Variants in CLNK observed in about 807,000 individuals in gnomAD.
CLNK encodes cytokine dependent hematopoietic cell linker.
CLNK carries 74 observed loss-of-function variants against 68.6 expected under a neutral mutation model. The ratio of observed to expected loss-of-function variants is 1.08; its 90% confidence interval spans 0.89 to 1.31. The LOEUF is 1.31. Ranked by LOEUF, CLNK falls within the 50% of genes most tolerant of loss-of-function variation. The pLI is 0.00. For missense variants in CLNK, 553 were observed against 515.3 expected (o/e 1.07, Z -0.71); for synonymous variants, 198 against 172.2 (o/e 1.15, Z -1.17).
At chr4:10,504,001 T>C (rs1717173012) in intron 17 of CLNK, among the ~76,000 whole-genome samples, 1 of 151,602 alleles carries the variant, frequency 6.6e-6, no homozygotes, top group African/African-American at 2.4e-5. Flanking sequence ...CAGGCTGGTC[T>C]CAAACTCCTG....
intron 10 of CLNK, among the ~76,000 whole-genome samples, 195 bp from the exon 11 acceptor site, chr4:10,540,799 G>A (rs920044571): frequency 9.9e-5 from 15 of 152,182 alleles, no homozygotes; most frequent in African/African-American, 3.6e-4. Context: ...TTTCTATGGG[G>A]AGTCAATGTG....
the CLNK span, among the ~76,000 whole-genome samples, chr4:10,727,402 G>A: frequency 6.6e-6 from 1 of 152,202 alleles, no homozygotes; most frequent in Non-Finnish European, 1.5e-5. Context: ...AGTGAGACTG[G>A]GGTTTCACCA....
the CLNK span, among the ~76,000 whole-genome samples, chr4:10,723,780 T>C: frequency 6.6e-6 from 1 of 151,920 alleles, no homozygotes; most frequent in Non-Finnish European, 1.5e-5. Flanking sequence ...CGGGAATAAC[T>C]AGATTGCAGG....
chr4:10,543,419 G>A (rs1330230699), intron 8 of CLNK, among the ~76,000 whole-genome samples: 4 of 152,186 alleles, frequency 2.6e-5, no homozygotes, highest in Admixed American at 6.5e-5. Flanking sequence ...GCTTCACACT[G>A]AGCATCCTTT....
upstream of CLNK, among the ~76,000 whole-genome samples, chr4:10,689,161 G>A (rs6845433): frequency 0.27 from 41,445 of 151,076 alleles, 6,108 homozygotes; most frequent in Non-Finnish European, 0.33. Context: ...GGGGCGACGA[G>A]GTCTTACTCT....
the CLNK span, among the ~76,000 whole-genome samples, chr4:10,728,600 CTTTCTTTTT>C: frequency 3.2e-5 from 4 of 125,572 alleles, no homozygotes; most frequent in Admixed American, 1.8e-4. Flanking sequence ...TTCTTTCTTT[CTTTCTTTTT>C]TTTTTTTTTT....
chr4:10,592,754 C>A (rs61795148), intron 3 of CLNK, among the ~76,000 whole-genome samples: 6,223 of 152,132 alleles, frequency 0.041, 184 homozygotes, highest in Middle Eastern at 0.099. Context: ...GAGGCAGAGT[C>A]TCACTCTGTC....
chr4:10,500,046 C>A (rs1716976117), intron 18 of CLNK, among the ~76,000 whole-genome samples: 3 of 152,100 alleles, frequency 2.0e-5, no homozygotes, highest in Admixed American at 6.6e-5. Flanking sequence ...ACAATGCACA[C>A]CCCCAGATAA....
At chr4:10,683,863 C>T (rs1169041111) in intron 1 of CLNK, among the ~76,000 whole-genome samples, 1 of 152,168 alleles carries the variant, frequency 6.6e-6, no homozygotes, top group East Asian at 1.9e-4. Context: ...TAGACAGAGA[C>T]AGCCAGAGAA....
the CLNK span, chr4:10,697,405 G>C: frequency 1.2e-4 from 18 of 152,164 alleles, no homozygotes; most frequent in South Asian, 2.1e-4. Context: ...GCCTTAATGA[G>C]GAAGACTCTG....
the CLNK span, among the ~76,000 whole-genome samples, chr4:10,708,603 C>G: frequency 6.6e-6 from 1 of 152,164 alleles, no homozygotes; most frequent in African/African-American, 2.4e-5. Context: ...CAGAGGAGAG[C>G]AGAGGCCAGA....
At chr4:10,634,568 T>C (rs1352288507) in intron 2 of CLNK, among the ~76,000 whole-genome samples, 1 of 152,316 alleles carries the variant, frequency 6.6e-6, no homozygotes, top group African/African-American at 2.4e-5. Flanking sequence ...GCTTACACTG[T>C]GCACCGAAAG....
chr4:10,637,213 A>G (rs1209031718), intron 2 of CLNK, among the ~76,000 whole-genome samples: 1 of 152,214 alleles, frequency 6.6e-6, no homozygotes, highest in Non-Finnish European at 1.5e-5. Flanking sequence ...AGGCCATGCA[A>G]ATAGTTCCAG....
At chr4:10,581,019 C>A (rs767075317) in intron 4 of CLNK, among the ~76,000 whole-genome samples, 1 of 152,040 alleles carries the variant, frequency 6.6e-6, no homozygotes, top group African/African-American at 2.4e-5. Flanking sequence ...ACAGGTGTAC[C>A]CCTTTTATCT....
At chr4:10,614,259 C>A (rs901754516) in intron 2 of CLNK, among the ~76,000 whole-genome samples, 3 of 152,144 alleles carry the variant, frequency 2.0e-5, no homozygotes, top group African/African-American at 7.2e-5. Context: ...GTAACTAGCA[C>A]GTTGATGAGT....
intron 1 of CLNK, among the ~76,000 whole-genome samples, chr4:10,679,619 G>A (rs1725014678): frequency 1.3e-5 from 2 of 152,104 alleles, no homozygotes; most frequent in Admixed American, 1.3e-4. Context: ...CTACTCATCT[G>A]ACAAAGGGCT....
intron 2 of CLNK, among the ~76,000 whole-genome samples, chr4:10,646,827 T>A (rs968049902): frequency 2.6e-5 from 4 of 152,216 alleles, no homozygotes; most frequent in African/African-American, 9.7e-5. Context: ...TTTATGCACA[T>A]GTTCCTAGAG....
chr4:10,551,563 C>G (rs1208550282), intron 8 of CLNK, among the ~76,000 whole-genome samples: 1 of 152,220 alleles, frequency 6.6e-6, no homozygotes, highest in South Asian at 2.1e-4. Flanking sequence ...GCCACCACCC[C>G]CTCCTGTAAT....
At chr4:10,725,149 G>A in the CLNK span, among the ~76,000 whole-genome samples, 5 of 152,232 alleles carry the variant, frequency 3.3e-5, no homozygotes, top group South Asian at 1.0e-3. Context: ...AGCACCGTAG[G>A]GATAGAACTG....
Sources: allele counts gnomAD v4.1 joint callset (sites outside exome capture counted in the v4.1 genomes callset), GRCh38; gene constraint gnomAD v4.1.1; transcripts MANE v1.5; gene names NCBI Gene and HGNC (gene_info 2026-07-23, HGNC 2026-07-21).